The following HDX variants were observed in gnomAD, a reference collection of about 807,000 sequenced individuals.
The protein encoded by HDX is highly divergent homeobox.
In HDX, 19 loss-of-function variants were observed where a neutral mutation model predicts 45.2. The observed-to-expected ratio is 0.42, with a 90% CI of 0.29 to 0.62. HDX has a LOEUF of 0.62. HDX is among the 20% of genes least tolerant of loss of function. The pLI is 0.20. For synonymous variants in HDX, 188 were observed against 172.8 expected (o/e 1.09, Z -0.69); for missense variants, 532 against 493.9 (o/e 1.08, Z -0.73).
chrX:84,335,061 T>G (rs747230422), intron 8 of HDX, among the ~76,000 whole-genome samples: 2 of 111,692 alleles, frequency 1.8e-5, no homozygotes, highest in Non-Finnish European at 3.8e-5. Context: ...GTTTGTGACC[T>G]GCAGGCTTTT....
chrX:84,500,789 G>A (rs1345533822), intron 1 of HDX, among the ~76,000 whole-genome samples: 4 of 111,672 alleles, frequency 3.6e-5, no homozygotes, highest in African/African-American at 1.3e-4. Context: ...GGAAAATAAG[G>A]CTCCTGCATT....
At chrX:84,407,117 G>C (rs367637576) in intron 5 of HDX, among the ~76,000 whole-genome samples, 27 of 110,864 alleles carry the variant, frequency 2.4e-4, no homozygotes, top group African/African-American at 8.8e-4. Context: ...TAGAGAAATT[G>C]CATGTCACAG....
At chrX:84,366,838 A>G (rs779975437) in intron 5 of HDX, among the ~76,000 whole-genome samples, 10 of 112,255 alleles carry the variant, frequency 8.9e-5, no homozygotes, top group African/African-American at 2.9e-4. Context: ...CACCTTATAC[A>G]GAAATTAACT....
chrX:84,354,530 CT>C (rs1428016930), intron 6 of HDX, among the ~76,000 whole-genome samples: 2 of 110,401 alleles, frequency 1.8e-5, no homozygotes, highest in African/African-American at 3.3e-5. Context: ...TAGGTATAGT[CT>C]TTTCCTCAGG....
At chrX:84,456,829 C>G (rs1287373642) in intron 4 of HDX, among the ~76,000 whole-genome samples, 1 of 111,677 alleles carries the variant, frequency 9.0e-6, no homozygotes. Flanking sequence ...GAGGCTATAA[C>G]AGTTGTAAAT....
intron 5 of HDX, among the ~76,000 whole-genome samples, chrX:84,381,347 T>A (rs2038183449): frequency 1.8e-5 from 2 of 110,641 alleles, no homozygotes; most frequent in South Asian, 7.7e-4. Flanking sequence ...AAAATAACTA[T>A]CATAACATTT....
chrX:84,444,921 C>T (rs185796960), intron 4 of HDX, among the ~76,000 whole-genome samples: 1 of 111,635 alleles, frequency 9.0e-6, no homozygotes, highest in African/African-American at 3.2e-5. Context: ...TTTAGGTATT[C>T]TTAAAGGAAT....
chrX:84,349,939 G>A (rs2037302530), intron 6 of HDX, among the ~76,000 whole-genome samples: 1 of 109,129 alleles, frequency 9.2e-6, no homozygotes, highest in Non-Finnish European at 1.9e-5. Flanking sequence ...GAGGGGTGAG[G>A]GTTGAAAAAT....
chrX:84,483,182 G>A (rs1203404627), intron 2 of HDX, among the ~76,000 whole-genome samples: 2 of 111,070 alleles, frequency 1.8e-5, no homozygotes, highest in Non-Finnish European at 1.9e-5. Flanking sequence ...GCAAGCTGTC[G>A]GTGGATCTAT....
intron 5 of HDX, among the ~76,000 whole-genome samples, chrX:84,381,082 A>G (rs1048831128): frequency 1.8e-5 from 2 of 111,222 alleles, no homozygotes; most frequent in Non-Finnish European, 3.8e-5. Context: ...AACAATCTGA[A>G]TAAGAAATTA....
chrX:84,498,573 A>T (rs1180395324), intron 1 of HDX, among the ~76,000 whole-genome samples: 2 of 112,037 alleles, frequency 1.8e-5, no homozygotes, highest in Non-Finnish European at 1.9e-5. Flanking sequence ...AATTTTATTT[A>T]TTCTGTTGGA....
chrX:84,324,482 A>G (rs1169226345), intron 10 of HDX, among the ~76,000 whole-genome samples: 1 of 111,491 alleles, frequency 9.0e-6, no homozygotes, highest in Non-Finnish European at 1.9e-5. Context: ...TCTTAATTAT[A>G]CAAATTAGTA....
At chrX:84,353,792 C>T (rs2037414105) in intron 6 of HDX, among the ~76,000 whole-genome samples, 2 of 111,414 alleles carry the variant, frequency 1.8e-5, no homozygotes, top group Non-Finnish European at 3.8e-5. Flanking sequence ...TCTGAAGTTT[C>T]CATCCTCTTT....
At chrX:84,443,917 T>C (rs184584913) in intron 4 of HDX, among the ~76,000 whole-genome samples, 432 of 111,924 alleles carry the variant, frequency 3.9e-3, no homozygotes, top group African/African-American at 0.013. Flanking sequence ...CAGTAAAAGA[T>C]AATTTCCTGG....
chrX:84,433,240 T>C (rs1428495512), intron 5 of HDX, among the ~76,000 whole-genome samples: 11 of 111,751 alleles, frequency 9.8e-5, no homozygotes, highest in African/African-American at 3.6e-4. Context: ...AATGTTTTCC[T>C]GACCTGCTGT....
At chrX:84,389,954 C>T (rs1206787641) in intron 5 of HDX, among the ~76,000 whole-genome samples, 2 of 111,216 alleles carry the variant, frequency 1.8e-5, no homozygotes, top group South Asian at 3.8e-4. Context: ...CTTTCACTTA[C>T]CCTCTTTTCA....
At chrX:84,460,189 C>T (rs1418766343) in intron 4 of HDX, among the ~76,000 whole-genome samples, 1 of 111,497 alleles carries the variant, frequency 9.0e-6, no homozygotes, top group Non-Finnish European at 1.9e-5. Context: ...TTCTATGAGG[C>T]CAGTATCACC....
At chrX:84,490,795 T>G (rs1459570363) in intron 1 of HDX, among the ~76,000 whole-genome samples, 1 of 111,302 alleles carries the variant, frequency 9.0e-6, no homozygotes, top group Non-Finnish European at 1.9e-5. Context: ...TACTTTTATA[T>G]TGCTTTTTTT....
intron 4 of HDX, among the ~76,000 whole-genome samples, chrX:84,450,812 C>A (rs2039981220): frequency 8.9e-6 from 1 of 112,169 alleles, no homozygotes; most frequent in Non-Finnish European, 1.9e-5. Flanking sequence ...CAAATCTCAA[C>A]AACCACTTTT....
Sources: allele counts gnomAD v4.1 joint callset (sites outside exome capture counted in the v4.1 genomes callset), GRCh38; gene constraint gnomAD v4.1.1; transcripts MANE v1.5; gene names NCBI Gene and HGNC (gene_info 2026-07-23, HGNC 2026-07-21).